Variants in HSD17B4 observed in about 807,000 individuals in gnomAD.
HSD17B4 encodes the protein peroxisomal multifunctional enzyme type 2.
HSD17B4 carries 70 observed loss-of-function variants against 101.0 expected under a neutral mutation model. The ratio of observed to expected loss-of-function variants is 0.69; its 90% CI spans 0.57 to 0.85. The LOEUF (loss-of-function observed/expected upper bound fraction) is 0.85. Among genes scored for constraint, HSD17B4 ranks in the 40% least tolerant of loss-of-function variants. The pLI, the probability that HSD17B4 is intolerant of heterozygous loss-of-function variation, is 0.00. For synonymous variants in HSD17B4, 347 were observed against 297.1 expected (o/e 1.17, Z -1.73); for missense variants, 984 against 892.4 (o/e 1.10, Z -1.31).
intron 2 of HSD17B4, among the ~76,000 whole-genome samples, chr5:119,462,931 A>G (rs950537957): frequency 6.6e-6 from 1 of 152,160 alleles, no homozygotes; most frequent in Non-Finnish European, 1.5e-5. Context: ...CTAGAGTACT[A>G]TACACCACTA....
In HSD17B4 at chr5:119,499,397, G is replaced by T; in HGVS notation, c.1053G>T (p.Val351=). ...AAGCTATTATGTATGCCCTTGGAGT[G>T]GGAGCGTCAATCAAGGATCCAAAAG... The part of the protein sequence containing the change: ...ELEAIMYALG[V]GASIKDPKDL... The change falls in exon 13 of 24, where the codon GTG becomes GTT. Residue 351 remains valine (V), a synonymous_variant. Coordinates refer to ENST00000510025, the MANE Select transcript of HSD17B4 (RefSeq NM_000414.4). 1 of 1,613,660 alleles carries T rather than the reference G, an allele frequency of 6.2e-7. No individual in the cohort carries two copies. The highest frequency in any genetic ancestry group is 8.5e-7 in the Non-Finnish European group (1 of 1,179,662).
intron 15 of HSD17B4, among the ~76,000 whole-genome samples, chr5:119,508,421 C>T (rs1561471361): frequency 6.6e-6 from 1 of 152,034 alleles, no homozygotes; most frequent in Admixed American, 6.6e-5. Flanking sequence ...CATGCCTTTC[C>T]TTATTTTTGT....
intron 2 of HSD17B4, among the ~76,000 whole-genome samples, chr5:119,462,248 ATTTTTTTTTTTTTTT>A (rs10524491): frequency 1.0e-3 from 30 of 30,046 alleles, no homozygotes; most frequent in South Asian, 2.8e-3. Context: ...AACAAATGTG[ATTTTTTTTTTTTTTT>A]TTTTTTTTTT....
chr5:119,471,251 A>G (rs1057082587), intron 2 of HSD17B4, among the ~76,000 whole-genome samples: 3 of 152,176 alleles, frequency 2.0e-5, no homozygotes, highest in Non-Finnish European at 4.4e-5. Flanking sequence ...GAGAATCCTA[A>G]CACTTTTTCC....
chr5:119,540,836 C>T (rs907594096), intron 23 of HSD17B4, among the ~76,000 whole-genome samples: 32 of 152,164 alleles, frequency 2.1e-4, no homozygotes, highest in African/African-American at 7.2e-4. Context: ...TTCTTGCTGG[C>T]TCTGTAGACT....
chr5:119,474,094 T>C, intron 3 of HSD17B4, 79 bp downstream of exon 3: 3 of 828,230 alleles, frequency 3.6e-6, no homozygotes. Flanking sequence ...TTTGAGCAAA[T>C]ATCTCAGTAT....
At chr5:119,461,070 T>G (rs1373292221) in intron 2 of HSD17B4, among the ~76,000 whole-genome samples, 1 of 152,188 alleles carries the variant, frequency 6.6e-6, no homozygotes, top group Non-Finnish European at 1.5e-5. Flanking sequence ...ATAGGACCTT[T>G]AGTTCAGAGT....
chr5:119,511,138 C>G (rs911036208), intron 16 of HSD17B4, among the ~76,000 whole-genome samples: 1 of 152,190 alleles, frequency 6.6e-6, no homozygotes, highest in Non-Finnish European at 1.5e-5. Context: ...AGAAGTATGT[C>G]ACTACTCCTG....
intron 11 of HSD17B4, 56 bp from the exon 12 acceptor site, chr5:119,496,487 C>T: frequency 1.1e-6 from 1 of 934,928 alleles, no homozygotes; most frequent in Non-Finnish European, 1.8e-6. Flanking sequence ...TGTAGCTTTT[C>T]TTAGTCACAT....
intron 2 of HSD17B4, among the ~76,000 whole-genome samples, chr5:119,470,359 C>T (rs764998027): frequency 1.3e-5 from 2 of 152,034 alleles, no homozygotes; most frequent in South Asian, 2.1e-4. Flanking sequence ...CTATTGGCCT[C>T]CAGGTCAGAA....
In HSD17B4 at chr5:119,489,174, G is replaced by T; in HGVS notation, c.623-18G>T. ...AAGTAAAATGATTGATAAGATATGT[G>T]TATATTCTTTATTTCAGATCTTGTG... is the stretch of plus-strand genomic sequence containing the variant. On this transcript the variant is annotated intron_variant, in intron 8 of 23. Coordinates refer to ENST00000510025, the MANE Select transcript of HSD17B4 (RefSeq NM_000414.4). 5 of 1,461,672 alleles carry T rather than the reference G, an allele frequency of 3.4e-6. No individual in the cohort carries two copies. The highest frequency in any genetic ancestry group is 4.8e-6 in the Non-Finnish European group (5 of 1,041,434). The allele number at this position is 1,461,672 out of a possible 1,614,324, so 90.5% of individuals were successfully genotyped here.
At chr5:119,489,107 T>C in intron 8 of HSD17B4, 85 bp from the exon 9 acceptor site, 1 of 906,998 alleles carries the variant, frequency 1.1e-6, no homozygotes, top group Middle Eastern at 2.2e-4. Context: ...ATTTTAAAGG[T>C]CTCTGAATTA....
At chr5:119,458,687 G>A (rs1213337280) in intron 2 of HSD17B4, among the ~76,000 whole-genome samples, 1 of 152,018 alleles carries the variant, frequency 6.6e-6, no homozygotes, top group East Asian at 1.9e-4. Context: ...CTCCAATTTT[G>A]TGTTAATATG....
At chr5:119,457,965 A>C (rs1754838566) in intron 2 of HSD17B4, among the ~76,000 whole-genome samples, 1 of 152,206 alleles carries the variant, frequency 6.6e-6, no homozygotes, top group Admixed American at 6.5e-5. Flanking sequence ...ATTTTATAAC[A>C]GTGTGTTCCT....
intron 5 of HSD17B4, 22 bp from the exon 6 acceptor site, chr5:119,475,802 C>T (rs1029114170): frequency 3.1e-6 from 5 of 1,588,514 alleles, no homozygotes; most frequent in Non-Finnish European, 4.3e-6. Context: ...TCCTTTTACC[C>T]TATACAACAT....
chr5:119,540,642 C>T (rs1329235937), intron 23 of HSD17B4, among the ~76,000 whole-genome samples: 1 of 152,076 alleles, frequency 6.6e-6, no homozygotes, highest in African/African-American at 2.4e-5. Context: ...AAATTCTGGT[C>T]TCCTGTTTGA....
chr5:119,465,536 T>C (rs895726956), intron 2 of HSD17B4, among the ~76,000 whole-genome samples: 2 of 152,232 alleles, frequency 1.3e-5, no homozygotes, highest in Non-Finnish European at 2.9e-5. Context: ...GCTCTGCCTG[T>C]ACAGCCCACA....
intron 11 of HSD17B4, 118 bp from the exon 12 acceptor site, chr5:119,496,425 G>C: frequency 1.4e-6 from 1 of 699,018 alleles, no homozygotes; most frequent in East Asian, 2.7e-5. Context: ...AGTGGCAATG[G>C]AGGCTCTGTA....
chr5:119,480,887 C>T (rs569166705), intron 8 of HSD17B4, among the ~76,000 whole-genome samples: 1 of 152,298 alleles, frequency 6.6e-6, no homozygotes, highest in East Asian at 1.9e-4. Flanking sequence ...AGCAATATTT[C>T]TCCCATTTGC....
Sources: allele counts gnomAD v4.1 joint callset (sites outside exome capture counted in the v4.1 genomes callset), GRCh38; gene constraint gnomAD v4.1.1; transcripts MANE v1.5; gene names NCBI Gene and HGNC (gene_info 2026-07-23, HGNC 2026-07-21).